Variants in PLEKHG7 observed in about 807,000 individuals in gnomAD.
The protein encoded by PLEKHG7 is pleckstrin homology domain-containing family G member 7.
PLEKHG7 carries 77 observed loss-of-function variants against 85.2 expected under a neutral mutation model. The observed-to-expected ratio is 0.90, with a 90% CI of 0.75 to 1.09. PLEKHG7 has a LOEUF of 1.09. PLEKHG7 is among the 50% of genes least tolerant of loss of function. The probability of loss-of-function intolerance (pLI) is 0.00; values close to 1 mark genes in which losing one functional copy is unlikely to be tolerated. For missense variants in PLEKHG7, 777 were observed against 804.3 expected, an observed-to-expected ratio of 0.97 and a Z score of 0.41; for synonymous variants, 301 against 302.4, an observed-to-expected ratio of 1.00 and a Z score of 0.05.
chr12:92,746,302 C>T (rs916608877), intron 10 of PLEKHG7, among the ~76,000 whole-genome samples: 5 of 152,200 alleles, frequency 3.3e-5, no homozygotes, highest in East Asian at 1.9e-4. Flanking sequence ...CCTGCAGCTG[C>T]GAGAAGCCCC....
chr12:92,764,589 A>G (rs1453665740), intron 15 of PLEKHG7, among the ~76,000 whole-genome samples: 1 of 152,172 alleles, frequency 6.6e-6, no homozygotes, highest in Admixed American at 6.5e-5. Flanking sequence ...AACCATAACC[A>G]GACGTGCAAG....
intron 10 of PLEKHG7, among the ~76,000 whole-genome samples, chr12:92,748,315 C>G (rs1461754363): frequency 1.3e-5 from 2 of 151,070 alleles, no homozygotes; most frequent in African/African-American, 2.4e-5. Context: ...GGCACAATCT[C>G]AGCTCGCTGC....
At chr12:92,765,576 C>A (rs1211284149) in intron 15 of PLEKHG7, among the ~76,000 whole-genome samples, 1 of 151,494 alleles carries the variant, frequency 6.6e-6, no homozygotes, top group East Asian at 1.9e-4. Context: ...TTGTGGTGAG[C>A]CGAGACTGAG....
intron 10 of PLEKHG7, among the ~76,000 whole-genome samples, chr12:92,750,738 T>C (rs1592684996): frequency 1.3e-5 from 2 of 151,982 alleles, no homozygotes; most frequent in Non-Finnish European, 2.9e-5. Flanking sequence ...CCTGCTCCCC[T>C]CCACTCCCAG....
intron 4 of PLEKHG7, 33 bp from the exon 5 acceptor site, chr12:92,732,200 T>C: frequency 3.3e-6 from 4 of 1,210,536 alleles, no homozygotes; most frequent in South Asian, 4.2e-5. Flanking sequence ...CTCTAAGTAC[T>C]CGTAATAATA....
rs368328583 is a variant in PLEKHG7, at chr12:92,769,030, C to T, written c.1918C>T (p.Arg640Ter). The change falls in exon 16 of 17, where the codon CGA becomes TGA. Residue 640 changes from arginine (R) to a stop codon, truncating the protein, a stop_gained. Transcript: ENST00000344636. LOFTEE classifies it high-confidence loss of function. ...AFLIQHENRY[R>*]QCIAAFLLQA... ...TCTTATACAACACGAAAACAGATAT[C>T]GACAGTGTATAGCAGCATTCTTATT... is the stretch of plus-strand genomic sequence containing the variant. The T allele has an allele frequency of 1.3e-4, 205 of 1,603,950 alleles. No homozygotes were observed. The highest frequency in any genetic ancestry group is 1.6e-4 in the Non-Finnish European group (185 of 1,172,626).
chr12:92,724,855 C>T (rs1227768943), intron 3 of PLEKHG7, among the ~76,000 whole-genome samples: 1 of 152,070 alleles, frequency 6.6e-6, no homozygotes, highest in Non-Finnish European at 1.5e-5. Context: ...ATGACCTCAG[C>T]ACATACCATC....
rs573436924 is a variant in PLEKHG7 at position 92,729,010 on chromosome 12, G to A, written c.548G>A (p.Arg183Gln). Residue 183 changes from arginine to glutamine, a missense_variant, in exon 4 of 17, where the codon CGG becomes CAG. Coordinates refer to ENST00000344636, the MANE Select transcript of PLEKHG7 (RefSeq NM_001377329.1). ...LHPSRFYEHR[R>Q]SSVVLNLPGL... is the part of the protein sequence containing the mutation. ...GAGCACAGGTTCTACGAGCACAGGC[G>A]GAGTTCTGTGGTGCTGAACTTACCT... is the stretch of plus-strand genomic sequence containing the variant. 3.2e-6 allele frequency: 4 copies of A among 1,231,726 alleles called. No individual in the cohort carries two copies. Among genetic ancestry groups the A allele is most frequent in the African/African-American group, 1.6e-5 (1 of 64,442 alleles). 76.3% of individuals were successfully genotyped at this position (1,231,726 alleles called of 1,614,324 possible). A position where few individuals can be genotyped will look rare whatever the true frequency, so the allele number is the denominator to read the frequency against.
chr12:92,759,635 C>A (rs1054356621), intron 13 of PLEKHG7, among the ~76,000 whole-genome samples: 1 of 152,232 alleles, frequency 6.6e-6, no homozygotes, highest in African/African-American at 2.4e-5. Flanking sequence ...AGAGAGCTCA[C>A]TCTCTCTGTT....
chr12:92,732,818 G>A (rs917406936), intron 5 of PLEKHG7, among the ~76,000 whole-genome samples: 4 of 152,132 alleles, frequency 2.6e-5, no homozygotes, highest in Non-Finnish European at 5.9e-5. Context: ...TAAGACAAGG[G>A]TGGCCACAGT....
intron 7 of PLEKHG7, among the ~76,000 whole-genome samples, chr12:92,738,781 T>A (rs1872259826): frequency 6.6e-6 from 1 of 152,244 alleles, no homozygotes; most frequent in Non-Finnish European, 1.5e-5. Context: ...TTCTTTGAAA[T>A]CTATCAAGTG....
intron 3 of PLEKHG7, among the ~76,000 whole-genome samples, chr12:92,711,040 C>T (rs970523931): frequency 6.6e-6 from 1 of 152,210 alleles, no homozygotes; most frequent in African/African-American, 2.4e-5. Flanking sequence ...CTTCCAAGCC[C>T]CTGACCATCC....
chr12:92,770,317 C>A lies in PLEKHG7; in HGVS notation c.*122C>A. On this transcript the variant is annotated 3_prime_UTR_variant, in exon 17 of 17. Coordinates refer to ENST00000344636, the MANE Select transcript of PLEKHG7 (RefSeq NM_001377329.1). ...GGAAATTTGCATTTTAAAGAAGTTT[C>A]AGAATTTGAAATTTTGAGCTAGGAA... The A allele has an allele frequency of 1.3e-6, 1 of 794,852 alleles. No individual in the cohort carries two copies. The highest frequency in any genetic ancestry group is 1.8e-5 in the South Asian group (1 of 56,408). 49.2% of individuals were successfully genotyped at this position (794,852 alleles called of 1,614,324 possible).
chr12:92,727,650 C>T (rs546233296), intron 3 of PLEKHG7, among the ~76,000 whole-genome samples: 85 of 151,808 alleles, frequency 5.6e-4, no homozygotes, highest in African/African-American at 2.0e-3. Flanking sequence ...AGTGCAATGG[C>T]GTGATCTTGG....
At chr12:92,749,975 T>TATC (rs1872645749) in intron 10 of PLEKHG7, among the ~76,000 whole-genome samples, 1 of 139,660 alleles carries the variant, frequency 7.2e-6, no homozygotes. Flanking sequence ...TTTTATATTT[T>TATC]ATTTTATTTT....
At chr12:92,724,047 C>T (rs374312128) in intron 3 of PLEKHG7, among the ~76,000 whole-genome samples, 85 of 152,244 alleles carry the variant, frequency 5.6e-4, no homozygotes, top group African/African-American at 2.0e-3. Flanking sequence ...GCTAAAATCT[C>T]ATTATATGCT....
At chr12:92,744,311 G>A (rs941689729) in intron 9 of PLEKHG7, among the ~76,000 whole-genome samples, 18 of 152,138 alleles carry the variant, frequency 1.2e-4, no homozygotes, top group Non-Finnish European at 5.9e-5. Context: ...CAACATGGTA[G>A]ACACTATGGA....
intron 13 of PLEKHG7, among the ~76,000 whole-genome samples, chr12:92,759,607 C>T (rs1872929143): frequency 6.6e-6 from 1 of 152,166 alleles, no homozygotes. Flanking sequence ...GATTAGTATC[C>T]TAATCAGAGC....
intron 11 of PLEKHG7, 36 bp from the exon 12 acceptor site, chr12:92,755,789 C>T (rs773178997): frequency 7.4e-7 from 1 of 1,359,812 alleles, no homozygotes; most frequent in Non-Finnish European, 1.0e-6. Flanking sequence ...ATGTCATATG[C>T]ACCTAAAAAT....
Sources: allele counts gnomAD v4.1 joint callset (sites outside exome capture counted in the v4.1 genomes callset), GRCh38; gene constraint gnomAD v4.1.1; transcripts MANE v1.5; gene names NCBI Gene and HGNC (gene_info 2026-07-23, HGNC 2026-07-21).